Variants in OTUD7A observed in about 807,000 individuals in gnomAD.
OTUD7A encodes the protein OTU domain-containing protein 7A.
Under a neutral mutation model 65.7 loss-of-function variants are expected in OTUD7A, and 12 were observed. The observed-to-expected ratio is 0.18, with a 90% confidence interval of 0.12 to 0.30. The LOEUF is 0.30. Among genes scored for constraint, OTUD7A ranks in the 10% least tolerant of loss-of-function variants. The pLI is 1.00. For missense variants in OTUD7A, 1,148 were observed against 1,304.8 expected (o/e 0.88, Z 1.85); for synonymous variants, 641 against 586.3 (o/e 1.09, Z -1.35).
At chr15:31,721,287 T>C (rs1893732978) in intron 1 of OTUD7A, among the ~76,000 whole-genome samples, 1 of 152,150 alleles carries the variant, frequency 6.6e-6, no homozygotes, top group African/African-American at 2.4e-5. Context: ...GGGTGCAATA[T>C]TTCAGTACAA....
chr15:31,717,711 G>A (rs1443691534), intron 1 of OTUD7A, among the ~76,000 whole-genome samples: 1 of 152,170 alleles, frequency 6.6e-6, no homozygotes, highest in East Asian at 1.9e-4. Flanking sequence ...ACATGTGCAT[G>A]TGTCTTTATA....
intron 1 of OTUD7A, among the ~76,000 whole-genome samples, chr15:31,778,284 T>A (rs1264163231): frequency 6.6e-6 from 1 of 152,050 alleles, no homozygotes; most frequent in Admixed American, 6.5e-5. Flanking sequence ...GTAGCAATAA[T>A]CTTCACAGGT....
Position 31,487,374 on chromosome 15 carries a change from G to A in OTUD7A, c.1286+78C>T. 1 of 1,579,300 alleles carries A rather than the reference G, an allele frequency of 6.3e-7. No individual in the cohort carries two copies. Among genetic ancestry groups the A allele is most frequent in the Non-Finnish European group, 8.7e-7 (1 of 1,153,182 alleles). On this transcript the variant is annotated intron_variant, in intron 11 of 12. Transcript: ENST00000307050. This position sits in a 1 kb window ranked among gnomAD's most constrained non-coding sequence, Gnocchi z 6.0. ...CAGCTGTCCCAGGAGGAGCAGGGGT[G>A]GTACATTCCCTCCCCAGGATGCCCC...
intron 1 of OTUD7A, among the ~76,000 whole-genome samples, chr15:31,732,676 C>T (rs1462025973): frequency 5.3e-5 from 8 of 152,184 alleles, no homozygotes; most frequent in African/African-American, 1.2e-4. Context: ...TCAATTGCAT[C>T]GCACTCCAGA....
At chr15:31,621,222 G>C (rs1014818507) in intron 3 of OTUD7A, among the ~76,000 whole-genome samples, 22 of 152,194 alleles carry the variant, frequency 1.4e-4, no homozygotes, top group African/African-American at 5.3e-4. Flanking sequence ...GTGACGTGGT[G>C]CTGAGAAGAA....
chr15:31,805,687 G>C (rs1896251934), intron 1 of OTUD7A, among the ~76,000 whole-genome samples: 1 of 152,148 alleles, frequency 6.6e-6, no homozygotes, highest in Non-Finnish European at 1.5e-5. Context: ...GAGTTACAGG[G>C]CAGGAGGAGA....
rs112190376 is a variant in OTUD7A at position 31,754,307 on chromosome 15, T to G, written c.-99-97230A>C. Among the ~76,000 whole-genome samples the G allele has an allele frequency of 5.0e-3, 768 of 152,154 alleles. 3 individuals carry two copies. The highest frequency in any genetic ancestry group is 0.018 in the African/African-American group (743 of 41,524). ...TGAAGATTTTCTCCCACTCTGTGGGTTGTCTGTTTACTCTGCTGGCTGTTC... is the reference window on the plus strand; with the variant it reads ...TGAAGATTTTCTCCCACTCTGTGGGGTGTCTGTTTACTCTGCTGGCTGTTC... On this transcript the variant is annotated intron_variant, in intron 1 of 12. Transcript: ENST00000307050.
chr15:31,579,661 C>T (rs1889311713), intron 3 of OTUD7A, among the ~76,000 whole-genome samples: 1 of 152,200 alleles, frequency 6.6e-6, no homozygotes, highest in African/African-American at 2.4e-5. Context: ...AAAAGTGAAA[C>T]CGTGGATAAG....
chr15:31,684,231 A>C (rs1405132420), intron 1 of OTUD7A, among the ~76,000 whole-genome samples: 1 of 152,170 alleles, frequency 6.6e-6, no homozygotes, highest in Non-Finnish European at 1.5e-5. Context: ...GAATAAAGAA[A>C]GGAAGATTAA....
chr15:31,523,921 G>A (rs987607924), intron 8 of OTUD7A, among the ~76,000 whole-genome samples: 1 of 152,204 alleles, frequency 6.6e-6, no homozygotes, highest in East Asian at 1.9e-4. Context: ...ACAGCTGCAC[G>A]GGTGCCTTGC....
intron 1 of OTUD7A, among the ~76,000 whole-genome samples, chr15:31,829,283 C>T (rs1008192677): frequency 3.3e-5 from 5 of 152,202 alleles, no homozygotes; most frequent in Non-Finnish European, 5.9e-5. Context: ...AATTCTCTGA[C>T]TCAAGCGTGG....
intron 1 of OTUD7A, among the ~76,000 whole-genome samples, chr15:31,727,625 C>G (rs901739312): frequency 6.6e-6 from 1 of 152,192 alleles, no homozygotes; most frequent in Non-Finnish European, 1.5e-5. Context: ...ATTCTTCAAC[C>G]TGGTGCCAGC....
chr15:31,681,104 CTATG>C (rs931118985), intron 1 of OTUD7A, among the ~76,000 whole-genome samples: 1 of 150,908 alleles, frequency 6.6e-6, no homozygotes, highest in African/African-American at 2.5e-5. Context: ...ACCTACCTAC[CTATG>C]TATCTTTTGA....
At chr15:31,628,167 C>T (rs1321407713) in intron 3 of OTUD7A, among the ~76,000 whole-genome samples, 1 of 152,102 alleles carries the variant, frequency 6.6e-6, no homozygotes, top group Non-Finnish European at 1.5e-5. Context: ...AGTCCTTGCC[C>T]GTGCCTATGT....
At chr15:31,865,433 C>A (rs1897853273) in intron 1 of OTUD7A, among the ~76,000 whole-genome samples, 1 of 152,164 alleles carries the variant, frequency 6.6e-6, no homozygotes, top group Non-Finnish European at 1.5e-5. Context: ...GGAGGACGTG[C>A]TGAGTCCCAG....
At position 31,780,992 on chromosome 15, in the gene OTUD7A, G is replaced by A. The variant is rs191634972; in HGVS notation, c.-100+89515C>T. 8.9e-4 allele frequency among the ~76,000 whole-genome samples: 136 copies of A among 152,214 alleles called. 1 individual carries two copies. The highest frequency in any genetic ancestry group is 8.0e-3 in the Admixed American group (122 of 15,282). The stretch of plus-strand genomic sequence containing the variant: ...AATTTAGAAAGTGGGTTTATACATC[G>A]GCCTCTTGTTTAGTCAGTTAAATAA... On this transcript the variant is annotated intron_variant, in intron 1 of 12. Transcript: ENST00000307050.
At chr15:31,656,364 G>A (rs923374784) in intron 2 of OTUD7A, among the ~76,000 whole-genome samples, 73 of 152,182 alleles carry the variant, frequency 4.8e-4, no homozygotes, top group African/African-American at 1.7e-3. Context: ...GCCACATGTG[G>A]TCTGCCACCC....
intron 3 of OTUD7A, among the ~76,000 whole-genome samples, chr15:31,633,828 C>G (rs1162396736): frequency 2.6e-5 from 4 of 152,172 alleles, no homozygotes; most frequent in African/African-American, 9.7e-5. Flanking sequence ...TATCTTGCTC[C>G]CCACCCGCTA....
At chr15:31,764,441 T>C (rs1411057031) in intron 1 of OTUD7A, among the ~76,000 whole-genome samples, 2 of 152,128 alleles carry the variant, frequency 1.3e-5, no homozygotes, top group East Asian at 1.9e-4. Flanking sequence ...AGGCATTATA[T>C]ATTTCTTTAC....
Sources: gnomAD v4.1 joint callset for allele counts (sites outside exome capture counted in the v4.1 genomes callset) on GRCh38, gnomAD v4.1.1 for gene constraint, Gnocchi (gnomAD v3.1) non-coding constraint, MANE v1.5 for transcripts, NCBI Gene and HGNC (gene_info 2026-07-23, HGNC 2026-07-21) for gene names.